Variants in PRUNE2 observed in about 807,000 individuals in gnomAD.
PRUNE2 encodes the protein prune homolog 2 with BCH domain.
In PRUNE2, 164 loss-of-function variants were observed where a neutral mutation model predicts 252.0. That is an observed-to-expected ratio of 0.65 (90% CI 0.57 to 0.74). The LOEUF (loss-of-function observed/expected upper bound fraction) is 0.74. PRUNE2 is among the 30% of genes least tolerant of loss of function. The pLI, the probability that PRUNE2 is intolerant of heterozygous loss-of-function variation, is 0.00. For missense variants in PRUNE2, 3,495 were observed against 3,711.0 expected (o/e 0.94, Z 1.51); for synonymous variants, 1,292 against 1,350.2 (o/e 0.96, Z 0.94).
chr9:76,625,289 A>G (rs1040589872), intron 16 of PRUNE2, among the ~76,000 whole-genome samples: 6 of 152,190 alleles, frequency 3.9e-5, no homozygotes, highest in Non-Finnish European at 5.9e-5. Context: ...ATACACAAAT[A>G]CTTACCATGG....
At position 76,707,687 on chromosome 9, in the gene PRUNE2, T is replaced by G. The variant is rs777034865; in HGVS notation, c.4587A>C (p.Gly1529=). 1 of 1,613,884 alleles carries G rather than the reference T, an allele frequency of 6.2e-7. No individual in the cohort carries two copies. The highest frequency in any genetic ancestry group is 8.5e-7 in the Non-Finnish European group (1 of 1,179,856). ...ENSLPGAGSS[G]NFDRDTISSE... is the part of the protein sequence containing the mutation. ...TAGAAATAGTATCTCTGTCAAAATTTCCAGACGAACCGGCTCCTGGAAGGC... is the reference window on the plus strand; with the variant it reads ...TAGAAATAGTATCTCTGTCAAAATTGCCAGACGAACCGGCTCCTGGAAGGC... The change falls in exon 8 of 19, where the codon GGA becomes GGC. Residue 1529 remains glycine (G), a synonymous_variant. Coordinates refer to ENST00000376718, the MANE Select transcript of PRUNE2 (RefSeq NM_015225.3).
At chr9:76,760,809 G>A (rs1043333596) in intron 6 of PRUNE2, among the ~76,000 whole-genome samples, 3 of 152,048 alleles carry the variant, frequency 2.0e-5, no homozygotes, top group Non-Finnish European at 4.4e-5. Context: ...GTCCAGACTC[G>A]GGCCGGGCGC....
intron 6 of PRUNE2, among the ~76,000 whole-genome samples, chr9:76,795,485 C>G (rs938550434): frequency 1.3e-5 from 2 of 152,162 alleles, no homozygotes; most frequent in Non-Finnish European, 2.9e-5. Flanking sequence ...AGCCCAGAGA[C>G]AGTTCACAAT....
At chr9:76,803,658 T>C (rs184855145) in intron 6 of PRUNE2, among the ~76,000 whole-genome samples, 9 of 152,274 alleles carry the variant, frequency 5.9e-5, no homozygotes, top group Non-Finnish European at 1.2e-4. Context: ...TGGAAGGGGA[T>C]GTGGTCTCTC....
chr9:76,814,995 C>A (rs1217178085), intron 6 of PRUNE2, among the ~76,000 whole-genome samples: 2 of 152,198 alleles, frequency 1.3e-5, no homozygotes, highest in South Asian at 2.1e-4. Flanking sequence ...AAGTTCCCTG[C>A]AGCCTGTTGA....
At chr9:76,821,800 T>A (rs994108766) in intron 6 of PRUNE2, among the ~76,000 whole-genome samples, 2 of 152,168 alleles carry the variant, frequency 1.3e-5, no homozygotes, top group Non-Finnish European at 2.9e-5. Context: ...CATTTACAGT[T>A]TAACACATCT....
intron 9 of PRUNE2, among the ~76,000 whole-genome samples, chr9:76,677,091 T>C (rs1318154349): frequency 2.0e-5 from 3 of 152,270 alleles, no homozygotes; most frequent in Non-Finnish European, 4.4e-5. Context: ...TCTTTCGCAA[T>C]AGGTTGATTT....
Position 76,862,834 on chromosome 9 carries a change from T to C in PRUNE2, c.37-8626A>G, listed in dbSNP as rs146054732. ...GTGACCCTATTACACATAATATTTT[T>C]TAACTTCTCTTTTCAAAATTAACAG... is the stretch of plus-strand genomic sequence containing the variant. On this transcript the variant is annotated intron_variant, in intron 1 of 18. Transcript: ENST00000376718. 6 of 152,374 alleles carry C rather than the reference T, an allele frequency of 3.9e-5. No individual in the cohort carries two copies. The South Asian group carries it at 6.2e-4, about 16-fold the overall frequency. The allele number at this position is 152,374 out of a possible 1,614,324, so 9.4% of individuals were successfully genotyped here. A position where few individuals can be genotyped will look rare whatever the true frequency, so the allele number is the denominator to read the frequency against.
chr9:76,884,268 C>T (rs1250945044), intron 1 of PRUNE2, among the ~76,000 whole-genome samples: 1 of 152,178 alleles, frequency 6.6e-6, no homozygotes, highest in Non-Finnish European at 1.5e-5. Flanking sequence ...AAATTTACAA[C>T]ATAATCGGGT....
intron 6 of PRUNE2, among the ~76,000 whole-genome samples, chr9:76,765,070 G>A (rs1022364593): frequency 1.3e-5 from 2 of 152,188 alleles, no homozygotes; most frequent in African/African-American, 4.8e-5. Flanking sequence ...AGGCAAGTTA[G>A]AGATATACGT....
intron 16 of PRUNE2, among the ~76,000 whole-genome samples, chr9:76,624,771 C>T (rs947824322): frequency 1.3e-5 from 2 of 152,304 alleles, no homozygotes; most frequent in Non-Finnish European, 2.9e-5. Flanking sequence ...AAAACATCCA[C>T]GTCAGTCTGG....
At position 76,637,418 on chromosome 9, in the gene PRUNE2, C is replaced by A; in HGVS notation, c.8963G>T (p.Arg2988Leu). 6.2e-7 allele frequency: 1 copy of A among 1,613,330 alleles called. No individual in the cohort carries two copies. Among genetic ancestry groups the A allele is most frequent in the South Asian group, 1.1e-5 (1 of 91,054 alleles). The change falls in exon 14 of 19, where the codon CGG (arginine) becomes CTG (leucine). Residue 2988 changes from arginine to leucine, a missense_variant and splice_region_variant. Arg to Leu is a moderately radical substitution (Grantham distance 102). Transcript: ENST00000376718. ...TGATTAAATAATAGAGCCCACATAC[C>A]GTCTGTCAATCATCTGGTAGCATTT... Reference protein sequence around the residue: ...MKKCYQMIDRRLRKNLKSFII... With the variant: ...MKKCYQMIDRLLRKNLKSFII...
intron 6 of PRUNE2, among the ~76,000 whole-genome samples, chr9:76,809,133 A>G (rs1191319773): frequency 6.6e-6 from 1 of 152,138 alleles, no homozygotes; most frequent in East Asian, 1.9e-4. Flanking sequence ...TTTCAACATC[A>G]TCTTCTCAAG....
chr9:76,758,861 C>A (rs1047370514), intron 6 of PRUNE2: 4 of 151,948 alleles, frequency 2.6e-5, no homozygotes, highest in Non-Finnish European at 5.9e-5. Context: ...AATTTAAAGT[C>A]AAAGCTTCTG....
At chr9:76,668,973 T>G (rs2040770749) in intron 9 of PRUNE2, among the ~76,000 whole-genome samples, 1 of 151,366 alleles carries the variant, frequency 6.6e-6, no homozygotes, top group African/African-American at 2.4e-5. Flanking sequence ...CTTCTCTCTC[T>G]GTTTTCACAG....
At chr9:76,647,395 A>G (rs1845377389) in intron 11 of PRUNE2, among the ~76,000 whole-genome samples, 1 of 152,208 alleles carries the variant, frequency 6.6e-6, no homozygotes, top group Admixed American at 6.5e-5. Context: ...AAAATGGATC[A>G]TAGACCTAAA....
rs1043000329 is a variant in PRUNE2 at position 76,661,489 on chromosome 9, T to C, written c.8277-5987A>G. On this transcript the variant is annotated intron_variant, in intron 9 of 18. Coordinates refer to ENST00000376718, the MANE Select transcript of PRUNE2 (RefSeq NM_015225.3). Reference sequence around the variant, plus strand: ...AACTCCTGACCTCAGGTGATCTGCCTGCCTCAGCCTCCCAAAGTGCTGGGA... The same window carrying C: ...AACTCCTGACCTCAGGTGATCTGCCCGCCTCAGCCTCCCAAAGTGCTGGGA... Among the ~76,000 whole-genome samples the C allele has an allele frequency of 3.9e-5, 6 of 152,192 alleles. No individual in the cohort carries two copies. In the South Asian group the frequency reaches 8.3e-4, roughly 21 times the overall value.
chr9:76,664,354 G>A (rs890870063), intron 9 of PRUNE2, among the ~76,000 whole-genome samples: 2 of 152,174 alleles, frequency 1.3e-5, no homozygotes, highest in East Asian at 1.9e-4. Flanking sequence ...ATGTGAACGA[G>A]CCATCTTGGA....
At chr9:76,883,448 A>G (rs1458537630) in intron 1 of PRUNE2, among the ~76,000 whole-genome samples, 4 of 152,232 alleles carry the variant, frequency 2.6e-5, no homozygotes, top group African/African-American at 9.6e-5. Flanking sequence ...CAAACTAACC[A>G]TGTAGCACTT....
Sources: allele counts gnomAD v4.1 joint callset (sites outside exome capture counted in the v4.1 genomes callset), GRCh38; gene constraint gnomAD v4.1.1; transcripts MANE v1.5; gene names NCBI Gene and HGNC (gene_info 2026-07-23, HGNC 2026-07-21).